The following ANKS1B variants were observed in gnomAD, a reference collection of about 807,000 sequenced individuals.
ANKS1B encodes the protein ankyrin repeat and sterile alpha motif domain containing 1B.
In ANKS1B, 36 loss-of-function variants were observed where a neutral mutation model predicts 148.3. The ratio of observed to expected loss-of-function variants is 0.24; its 90% CI spans 0.19 to 0.32. ANKS1B has a LOEUF of 0.32. Ranked by LOEUF, ANKS1B falls within the 10% of genes least tolerant of loss-of-function variation. ANKS1B has a pLI of 1.00. For missense variants in ANKS1B, 1,157 were observed against 1,542.6 expected (o/e 0.75, Z 4.19); for synonymous variants, 542 against 560.8 (o/e 0.97, Z 0.47).
chr12:99,697,441 AAGAAACC>A (rs2054103915), intron 8 of ANKS1B, among the ~76,000 whole-genome samples: 2 of 152,292 alleles, frequency 1.3e-5, no homozygotes, highest in African/African-American at 4.8e-5. Context: ...AAAAGACATA[AAGAAACC>A]TTAAATTTAT....
In ANKS1B at chr12:98,773,746, G is replaced by A. The variant is rs955611704; in HGVS notation, c.3442-567C>T. On this transcript the variant is annotated intron_variant, in intron 24 of 26. Coordinates refer to ENST00000683438, the MANE Select transcript of ANKS1B (RefSeq NM_001352186.2). ...GCTGGGATTACAGGCGTGAGTCACC[G>A]CGTCCGGCCTCCACTTTAAAAAATA... Among the ~76,000 whole-genome samples the A allele has an allele frequency of 3.3e-5, 5 of 152,270 alleles. 1 individual carries two copies. The East Asian group carries it at 5.8e-4, about 18-fold the overall frequency.
chr12:99,530,550 G>A (rs1413639385), intron 9 of ANKS1B, among the ~76,000 whole-genome samples: 1 of 152,136 alleles, frequency 6.6e-6, no homozygotes, highest in Admixed American at 6.5e-5. Context: ...CAACAGGTAA[G>A]TTGTACCACT....
intron 19 of ANKS1B, among the ~76,000 whole-genome samples, chr12:98,812,402 C>T (rs1048645952): frequency 4.6e-5 from 7 of 152,138 alleles, no homozygotes; most frequent in African/African-American, 7.2e-5. Flanking sequence ...CACCATCTCA[C>T]GTTGGGTAAA....
chr12:99,156,996 A>AT lies in ANKS1B; in HGVS notation c.2420-2602dup, dbSNP rs1175217688. ...ATAAGATAACTTGTTTTTTAAACAGATTTTTTCATGTCTGTCTTTTAGCTC... is the reference window on the plus strand; with the variant it reads ...ATAAGATAACTTGTTTTTTAAACAGATTTTTTTCATGTCTGTCTTTTAGCTC... On this transcript the variant is annotated intron_variant, in intron 14 of 26. Coordinates refer to ENST00000683438, the MANE Select transcript of ANKS1B (RefSeq NM_001352186.2). 3.9e-5 allele frequency among the ~76,000 whole-genome samples: 6 copies of AT among 152,240 alleles called. No individual in the cohort carries two copies. In the South Asian group the frequency reaches 1.0e-3, roughly 26 times the overall value.
intron 17 of ANKS1B, among the ~76,000 whole-genome samples, chr12:98,915,931 T>C (rs1006525993): frequency 2.0e-5 from 3 of 152,148 alleles, no homozygotes; most frequent in Admixed American, 6.5e-5. Context: ...GTCTGTCTCA[T>C]GAGCACTAAC....
chr12:98,812,436 C>T (rs552047912), intron 19 of ANKS1B, among the ~76,000 whole-genome samples: 7 of 152,292 alleles, frequency 4.6e-5, no homozygotes, highest in South Asian at 2.1e-4. Flanking sequence ...GTTTGCATGA[C>T]GAAATCACCT....
At chr12:99,955,321 C>T (rs552011645) in intron 1 of ANKS1B, among the ~76,000 whole-genome samples, 75 of 151,718 alleles carry the variant, frequency 4.9e-4, no homozygotes, top group African/African-American at 1.7e-3. Context: ...GGTGAAACCC[C>T]GTCTCTACTA....
chr12:99,681,385 A>G (rs2098615845), intron 8 of ANKS1B, among the ~76,000 whole-genome samples: 2 of 152,202 alleles, frequency 1.3e-5, no homozygotes, highest in Admixed American at 1.3e-4. Context: ...AGCATTGAGA[A>G]AACCAGAACA....
chr12:99,202,524 G>A (rs1211982280), intron 14 of ANKS1B, among the ~76,000 whole-genome samples: 1 of 152,178 alleles, frequency 6.6e-6, no homozygotes, highest in Non-Finnish European at 1.5e-5. Flanking sequence ...TAACTTGGAG[G>A]CATTCCATTC....
chr12:99,117,394 T>C (rs1048456923), intron 15 of ANKS1B, among the ~76,000 whole-genome samples: 10 of 152,108 alleles, frequency 6.6e-5, no homozygotes, highest in African/African-American at 2.2e-4. Flanking sequence ...GCTTATTGAG[T>C]TTTTAGCATG....
At chr12:99,165,323 C>A (rs2077090349) in intron 14 of ANKS1B, among the ~76,000 whole-genome samples, 1 of 151,726 alleles carries the variant, frequency 6.6e-6, no homozygotes, top group African/African-American at 2.4e-5. Flanking sequence ...AGAGAAAAAT[C>A]AATGAAACCA....
At chr12:99,098,581 T>C (rs1248372703) in intron 15 of ANKS1B, among the ~76,000 whole-genome samples, 5 of 138,438 alleles carry the variant, frequency 3.6e-5, no homozygotes. Flanking sequence ...AACTCTAAAG[T>C]AAAATTGCTA....
chr12:99,415,474 A>T (rs765250075), intron 11 of ANKS1B, among the ~76,000 whole-genome samples: 2 of 152,218 alleles, frequency 1.3e-5, no homozygotes, highest in Non-Finnish European at 2.9e-5. Flanking sequence ...TTTACAAATA[A>T]AGGTGCACAC....
At chr12:99,278,754 A>G (rs537925195) in intron 12 of ANKS1B, among the ~76,000 whole-genome samples, 13 of 152,376 alleles carry the variant, frequency 8.5e-5, no homozygotes, top group Non-Finnish European at 8.8e-5. Flanking sequence ...AAATTAATAA[A>G]ATAAATGGAG....
chr12:99,932,342 A>G (rs10745881), intron 1 of ANKS1B, among the ~76,000 whole-genome samples: 91,550 of 151,876 alleles, frequency 0.6, 28,700 homozygotes, highest in Middle Eastern at 0.7. Context: ...TGTTTGAGGA[A>G]CCTCCATACT....
chr12:99,083,043 A>G (rs1177294823), intron 16 of ANKS1B, among the ~76,000 whole-genome samples: 1 of 152,120 alleles, frequency 6.6e-6, no homozygotes, highest in East Asian at 1.9e-4. Flanking sequence ...AATTGGTTCT[A>G]AGGATGTTTT....
intron 15 of ANKS1B, among the ~76,000 whole-genome samples, chr12:99,143,411 G>A (rs184314708): frequency 4.6e-5 from 7 of 152,178 alleles, no homozygotes; most frequent in South Asian, 2.1e-4. Context: ...CCTGCGATGC[G>A]CTTGATTCAC....
At chr12:99,504,917 C>T (rs569762529) in intron 9 of ANKS1B, among the ~76,000 whole-genome samples, 100 of 152,090 alleles carry the variant, frequency 6.6e-4, no homozygotes, top group African/African-American at 2.4e-3. Flanking sequence ...GTGGCATAAA[C>T]TGCTGGTTAA....
chr12:99,054,478 C>T (rs4762547), intron 16 of ANKS1B, among the ~76,000 whole-genome samples: 84,870 of 151,990 alleles, frequency 0.56, 24,719 homozygotes, highest in East Asian at 0.74. Context: ...GTTACTTTTT[C>T]TCTTTTCCAG....
Sources: gnomAD v4.1 joint callset for allele counts (sites outside exome capture counted in the v4.1 genomes callset) on GRCh38, gnomAD v4.1.1 for gene constraint, MANE v1.5 for transcripts, NCBI Gene and HGNC (gene_info 2026-07-23, HGNC 2026-07-21) for gene names.